Variants in UBA5 observed in about 807,000 individuals in gnomAD.
UBA5 encodes the protein ubiquitin-like modifier-activating enzyme 5.
In UBA5, 28 loss-of-function variants were observed where a neutral mutation model predicts 52.9. The observed-to-expected ratio is 0.53, with a 90% CI of 0.39 to 0.73. The LOEUF (loss-of-function observed/expected upper bound fraction) is 0.73. Among genes scored for constraint, UBA5 ranks in the 30% least tolerant of loss-of-function variants. The pLI, the probability that UBA5 is intolerant of heterozygous loss-of-function variation, is 0.00. For synonymous variants in UBA5, 135 were observed against 162.1 expected, an observed-to-expected ratio of 0.83 and a Z score of 1.27; for missense variants, 388 against 492.7, an observed-to-expected ratio of 0.79 and a Z score of 2.01.
At chr3:132,673,349 T>G (rs1359753224) in intron 8 of UBA5, among the ~76,000 whole-genome samples, 3 of 151,702 alleles carry the variant, frequency 2.0e-5, no homozygotes, top group Non-Finnish European at 4.4e-5. Flanking sequence ...TTGATCACTC[T>G]TCTTTTTGTT....
chr3:132,660,400 A>G lies in UBA5; in HGVS notation c.-138A>G. 4 of 1,123,438 alleles carry G rather than the reference A, an allele frequency of 3.6e-6. No individual in the cohort carries two copies. The highest frequency in any genetic ancestry group is 5.0e-6 in the Non-Finnish European group (4 of 803,176). The allele number at this position is 1,123,438 out of a possible 1,614,324, so 69.6% of individuals were successfully genotyped here. On this transcript the variant is annotated 5_prime_UTR_variant, in exon 1 of 12. Transcript: ENST00000356232. The surrounding 1 kb of genome is among the most constrained non-coding windows in gnomAD (Gnocchi z 4.1). The stretch of plus-strand genomic sequence containing the variant: ...TGTCTGTCTGTGAGGCGCTGGGTGC[A>G]CGTCCCCAGGGCTCTGGGCTAGGAA...
upstream of UBA5, among the ~76,000 whole-genome samples, chr3:132,658,520 G>T (rs990666336): frequency 1.3e-5 from 2 of 152,160 alleles, no homozygotes; most frequent in Non-Finnish European, 2.9e-5. Flanking sequence ...TGTTCAAAGG[G>T]TAACTTGTCC....
chr3:132,658,394 C>T (rs1937934019), upstream of UBA5, among the ~76,000 whole-genome samples: 1 of 152,100 alleles, frequency 6.6e-6, no homozygotes, highest in Admixed American at 6.5e-5. Flanking sequence ...TTTTTGAACA[C>T]GGTTATGGTT....
At chr3:132,669,935 C>T (rs564015993) in intron 4 of UBA5, among the ~76,000 whole-genome samples, 4 of 152,304 alleles carry the variant, frequency 2.6e-5, no homozygotes, top group Non-Finnish European at 4.4e-5. Flanking sequence ...AGCTTGAATT[C>T]GCTTCTCTAA....
chr3:132,666,118 C>T, intron 3 of UBA5, 45 bp downstream of exon 3: 1 of 1,530,824 alleles, frequency 6.5e-7, no homozygotes, highest in Non-Finnish European at 9.0e-7. Context: ...ACTACTCACT[C>T]CTGGAGTAAA....
chr3:132,675,965 A>G (rs777808651), intron 11 of UBA5, 42 bp downstream of exon 11: 2 of 1,257,786 alleles, frequency 1.6e-6, no homozygotes. Flanking sequence ...AATATCATAT[A>G]AAATATTTAT....
At chr3:132,654,647 A>G (rs1017800243) in exon 1 of UBA5, 2 of 152,216 alleles carry the variant, frequency 1.3e-5, no homozygotes, top group East Asian at 3.9e-4. Flanking sequence ...GCCCTCTGGG[A>G]AAAGAGCAGC....
At chr3:132,657,952 T>C (rs1937901031), upstream of UBA5, among the ~76,000 whole-genome samples, 1 of 147,142 alleles carries the variant, frequency 6.8e-6, no homozygotes, top group Admixed American at 7.0e-5. Context: ...AACCTCCCTC[T>C]CCTGGTTCAA....
intron 8 of UBA5, among the ~76,000 whole-genome samples, chr3:132,673,284 C>CT (rs1462888973): frequency 6.6e-6 from 1 of 152,104 alleles, no homozygotes; most frequent in East Asian, 1.9e-4. Context: ...TAATTCTTTT[C>CT]TTTTTTATTA....
intron 1 of UBA5, among the ~76,000 whole-genome samples, chr3:132,663,175 G>T (rs1938239013): frequency 6.6e-6 from 1 of 152,044 alleles, no homozygotes; most frequent in Non-Finnish European, 1.5e-5. Context: ...TTTATTGCAA[G>T]AATCCCCCAA....
At chr3:132,675,710 A>G (rs778869265) in intron 10 of UBA5, 30 bp downstream of exon 10, 5 of 1,569,436 alleles carry the variant, frequency 3.2e-6, no homozygotes, top group Non-Finnish European at 4.4e-6. Context: ...TTGAAATGGC[A>G]GTATAAAACA....
intron 3 of UBA5, among the ~76,000 whole-genome samples, chr3:132,667,081 T>A (rs891169609): frequency 2.0e-5 from 3 of 152,178 alleles, no homozygotes; most frequent in Non-Finnish European, 2.9e-5. Flanking sequence ...CTGATGCTGA[T>A]GTTGCTAGGA....
intron 4 of UBA5, 38 bp from the exon 5 acceptor site, chr3:132,670,160 G>T (rs1351141387): frequency 2.0e-6 from 2 of 1,020,926 alleles, no homozygotes; most frequent in Non-Finnish European, 3.0e-6. Context: ...GAAATGCTAG[G>T]ATTACAGGCT....
In UBA5 at chr3:132,676,411, T is replaced by G; in HGVS notation, c.1132-32T>G. The G allele has an allele frequency of 6.4e-7, 1 of 1,554,284 alleles. No individual in the cohort carries two copies. On this transcript the variant is annotated intron_variant, in intron 11 of 11. Transcript: ENST00000356232. The surrounding 1 kb of genome is among the most constrained non-coding windows in gnomAD (Gnocchi z 4.1). Reference sequence around the variant, plus strand: ...AGCATCAAGAATTCTATATGGTTCTTTTTTCACTGTATTTCCCTTATTTGT... The same window carrying G: ...AGCATCAAGAATTCTATATGGTTCTGTTTTCACTGTATTTCCCTTATTTGT...
chr3:132,666,996 A>T (rs937895246), intron 3 of UBA5, among the ~76,000 whole-genome samples: 2 of 151,990 alleles, frequency 1.3e-5, no homozygotes, highest in Admixed American at 1.3e-4. Context: ...AACAGATCCT[A>T]CTCTGGTGGT....
Position 132,660,374 on chromosome 3 carries a change from GTGTC to G in UBA5, c.-156_-153del, listed in dbSNP as rs984264390. On this transcript the variant is annotated 5_prime_UTR_variant, in exon 1 of 12. Transcript: ENST00000356232. This position sits in a 1 kb window ranked among gnomAD's most constrained non-coding sequence, Gnocchi z 4.1. ...GAAGGCCTGTGGGAGTCTCGGAGAC[GTGTC>G]TGTCTGTGAGGCGCTGGGTGCACGT... 15 of 840,898 alleles carry G rather than the reference GTGTC, an allele frequency of 1.8e-5. No individual in the cohort carries two copies. The highest frequency in any genetic ancestry group is 1.4e-4 in the Admixed American group (5 of 35,318). 52.1% of individuals were successfully genotyped at this position (840,898 alleles called of 1,614,324 possible). A position where few individuals can be genotyped will look rare whatever the true frequency, so the allele number is the denominator to read the frequency against.
chr3:132,673,744 A>T (rs970205707), intron 8 of UBA5, among the ~76,000 whole-genome samples: 1 of 151,406 alleles, frequency 6.6e-6, no homozygotes, highest in Non-Finnish European at 1.5e-5. Context: ...AATCTCGGCT[A>T]ACTGCAGTCT....
At chr3:132,658,090 T>C (rs1270174184), upstream of UBA5, among the ~76,000 whole-genome samples, 1 of 152,164 alleles carries the variant, frequency 6.6e-6, no homozygotes, top group African/African-American at 2.4e-5. Context: ...CTTGAACTCC[T>C]GACCTCAAGT....
At chr3:132,659,655 A>G (rs1252575145), upstream of UBA5, 2 of 1,611,544 alleles carry the variant, frequency 1.2e-6, no homozygotes, top group Non-Finnish European at 8.5e-7. Context: ...AAGCCAGACA[A>G]GTGCTGGTTT....
Sources: gnomAD v4.1 joint callset for allele counts (sites outside exome capture counted in the v4.1 genomes callset) on GRCh38, gnomAD v4.1.1 for gene constraint, Gnocchi (gnomAD v3.1) non-coding constraint, MANE v1.5 for transcripts, NCBI Gene and HGNC (gene_info 2026-07-23, HGNC 2026-07-21) for gene names.